DNAH1: variants seen among roughly 807,000 people sequenced by gnomAD.
DNAH1 encodes the protein axonemal beta dynein heavy chain 1.
DNAH1 carries 327 observed loss-of-function variants against 484.3 expected under a neutral mutation model. The ratio of observed to expected loss-of-function variants is 0.68; its 90% CI spans 0.62 to 0.74. The LOEUF (loss-of-function observed/expected upper bound fraction) is 0.74. DNAH1 is among the 30% of genes least tolerant of loss of function. The pLI is 0.00. For synonymous variants in DNAH1, 2,192 were observed against 2,191.9 expected, an observed-to-expected ratio of 1.00 and a Z score of 0.00; for missense variants, 5,052 against 5,546.8, an observed-to-expected ratio of 0.91 and a Z score of 2.83.
At chr3:52,348,816 C>T in intron 12 of DNAH1, 72 bp from the exon 13 acceptor site, 1 of 1,535,948 alleles carries the variant, frequency 6.5e-7, no homozygotes, top group Non-Finnish European at 8.8e-7. Context: ...CGGGAGGACT[C>T]CCCATCTCCC....
Position 52,395,505 on chromosome 3 carries a change from G to T in DNAH1, c.11127+39G>T. 1 of 1,613,284 alleles carries T rather than the reference G, an allele frequency of 6.2e-7. No homozygotes were observed. The highest frequency in any genetic ancestry group is 8.5e-7 in the Non-Finnish European group (1 of 1,179,554). The stretch of plus-strand genomic sequence containing the variant: ...AGGGAGGAAGGGAGTGGGCTGGGGG[G>T]TGGGCAAGCTGGCCCCCTGCTCAGT... On this transcript the variant is annotated intron_variant, in intron 69 of 77. Transcript: ENST00000420323. This position sits in a 1 kb window ranked among gnomAD's most constrained non-coding sequence, Gnocchi z 4.4.
In DNAH1 at chr3:52,379,919, G is replaced by C. The variant is rs1157146135; in HGVS notation, c.7392G>C (p.Leu2464=). 2 of 1,564,504 alleles carry C rather than the reference G, an allele frequency of 1.3e-6. No homozygotes were observed. The highest frequency in any genetic ancestry group is 1.7e-6 in the Non-Finnish European group (2 of 1,155,032). ...GGCTACTGCAGGACCAAGTGCAGCT[G>C]CTGCGACTGTGGTATCACGAGAACT... ...DPAKVEDQVQ[L]LRLWYHENCR... The change falls in exon 48 of 78, where the codon CTG becomes CTC. Residue 2464 remains leucine (L), a synonymous_variant. Coordinates refer to ENST00000420323, the MANE Select transcript of DNAH1 (RefSeq NM_015512.5). The surrounding 1 kb of genome is among the most constrained non-coding windows in gnomAD (Gnocchi z 4.4).
intron 44 of DNAH1, among the ~76,000 whole-genome samples, chr3:52,373,279 A>C (rs1263531270): frequency 1.3e-5 from 2 of 152,086 alleles, no homozygotes; most frequent in Non-Finnish European, 2.9e-5. Flanking sequence ...AAGCGAGAGC[A>C]AGTGAATGTC....
intron 44 of DNAH1, among the ~76,000 whole-genome samples, chr3:52,373,416 G>A (rs768619341): frequency 6.6e-6 from 1 of 152,262 alleles, no homozygotes; most frequent in Non-Finnish European, 1.5e-5. Flanking sequence ...AAACAAGAAG[G>A]AGAAAGAATC....
At position 52,355,141 on chromosome 3, in the gene DNAH1, G is replaced by C; in HGVS notation, c.3693+86G>C. On this transcript the variant is annotated intron_variant, in intron 21 of 77. Coordinates refer to ENST00000420323, the MANE Select transcript of DNAH1 (RefSeq NM_015512.5). This position sits in a 1 kb window ranked among gnomAD's most constrained non-coding sequence, Gnocchi z 4.5. The stretch of plus-strand genomic sequence containing the variant: ...GGTGTCACTGATGGTCTCCGGGTGG[G>C]GTTCAAAGCATCGCAGTGCCTTGCC... 2 of 1,372,620 alleles carry C rather than the reference G, an allele frequency of 1.5e-6. No individual in the cohort carries two copies. The highest frequency in any genetic ancestry group is 2.4e-5 in the South Asian group (2 of 83,544). 85.0% of individuals were successfully genotyped at this position (1,372,620 alleles called of 1,614,324 possible).
chr3:52,352,796 G>A, intron 18 of DNAH1, 89 bp downstream of exon 18: 2 of 1,485,122 alleles, frequency 1.3e-6, no homozygotes, highest in Non-Finnish European at 1.8e-6. Flanking sequence ...CAGGGCTCTG[G>A]CATTTGGGGG....
Position 52,383,578 on chromosome 3 carries a change from A to G in DNAH1, c.8134A>G (p.Met2712Val), listed in dbSNP as rs28434358. The G allele has an allele frequency of 2.5e-3, 3,946 of 1,594,326 alleles. 65 individuals carry two copies. In the African/African-American group the frequency reaches 0.039, roughly 16 times the overall value. Residue 2712 changes from methionine (M) to valine (V), a missense_variant, in exon 51 of 78, where the codon ATG becomes GTG. Physicochemically the swap from Met to Val is conservative, Grantham distance 21. Transcript: ENST00000420323. ...AGGGCGTGTGCGCAGCAACATCCAC[A>G]TGGTGCTGTGCATGAGGTACAGGCA... ...YTGRVRSNIH[M>V]VLCMSPIGEV...
At chr3:52,346,975 CATT>C in intron 11 of DNAH1, among the ~76,000 whole-genome samples, 1 of 151,758 alleles carries the variant, frequency 6.6e-6, no homozygotes, top group South Asian at 2.1e-4. Context: ...TTCACTCAAT[CATT>C]GAGTTACTCA....
Position 52,391,017 on chromosome 3 carries a change from A to G in DNAH1, c.9704A>G (p.Asp3235Gly). The change falls in exon 61 of 78, where the codon GAC becomes GGC. Residue 3235 changes from aspartate (D) to glycine (G), a missense_variant. By Grantham distance (94) the Asp-to-Gly change is moderately conservative (BLOSUM62 -1). Coordinates refer to ENST00000420323, the MANE Select transcript of DNAH1 (RefSeq NM_015512.5). ...TCCCAGCGCTGGACCCACTTCATTG[A>G]CCCTCAGAGCCAGGCCAACAAATGG... Reference protein sequence around the residue: ...QFSQRWTHFIDPQSQANKWIK... With the variant: ...QFSQRWTHFIGPQSQANKWIK... The G allele has an allele frequency of 6.4e-7, 1 of 1,556,236 alleles. No individual in the cohort carries two copies.
In DNAH1 at chr3:52,389,576, G is replaced by C; in HGVS notation, c.9611G>C (p.Arg3204Pro). ...ACGCTGGGGAACCCTGTGAAGATCC[G>C]ATCGTGGCAGGTGCCCACCCCAGGG... ...IGTLGNPVKI[R>P]SWQIAGLPND... Residue 3204 changes from arginine to proline, a missense_variant, in exon 60 of 78, where the codon CGA becomes CCA. Coordinates refer to ENST00000420323, the MANE Select transcript of DNAH1 (RefSeq NM_015512.5). The C allele has an allele frequency of 3.3e-6, 5 of 1,497,506 alleles. No homozygotes were observed. The highest frequency in any genetic ancestry group is 4.5e-6 in the Non-Finnish European group (5 of 1,122,322). The allele number at this position is 1,497,506 out of a possible 1,614,324, so 92.8% of individuals were successfully genotyped here.
intron 43 of DNAH1, 107 bp downstream of exon 43, chr3:52,372,494 C>A: frequency 6.8e-7 from 1 of 1,464,604 alleles, no homozygotes. Context: ...TGCCAGGAAC[C>A]TCCCAGGGGG....
At chr3:52,339,201 C>T (rs746185837) in intron 8 of DNAH1, among the ~76,000 whole-genome samples, 4 of 151,718 alleles carry the variant, frequency 2.6e-5, no homozygotes, top group African/African-American at 9.7e-5. Context: ...AGTTTCCGAC[C>T]CTTTTTAGTT....
In DNAH1 at chr3:52,358,885, A is replaced by G. The variant is rs1702733593; in HGVS notation, c.4266+148A>G. On this transcript the variant is annotated intron_variant, in intron 25 of 77. Transcript: ENST00000420323. The surrounding 1 kb of genome is among the most constrained non-coding windows in gnomAD (Gnocchi z 4.2). Reference sequence around the variant, plus strand: ...CGGGATTCTGGAGTCTTTCCTTTCCACACACACTCCAGAAAGTGGGACTCA... The same window carrying G: ...CGGGATTCTGGAGTCTTTCCTTTCCGCACACACTCCAGAAAGTGGGACTCA... 4.2e-6 allele frequency: 4 copies of G among 944,048 alleles called. No individual in the cohort carries two copies. In the South Asian group the frequency reaches 4.9e-5, roughly 12 times the overall value. 58.5% of individuals were successfully genotyped at this position (944,048 alleles called of 1,614,324 possible). A position where few individuals can be genotyped will look rare whatever the true frequency, so the allele number is the denominator to read the frequency against.
intron 6 of DNAH1, among the ~76,000 whole-genome samples, chr3:52,330,067 C>T (rs1701486699): frequency 6.6e-6 from 1 of 152,168 alleles, no homozygotes; most frequent in Non-Finnish European, 1.5e-5. Context: ...ACCTCTGCCT[C>T]CCAGAGTGCT....
At position 52,353,696 on chromosome 3, in the gene DNAH1, G is replaced by A. The variant is rs1395930664; in HGVS notation, c.3480+63G>A. 6.5e-7 allele frequency: 1 copy of A among 1,544,042 alleles called. No homozygotes were observed. The highest frequency in any genetic ancestry group is 8.7e-7 in the Non-Finnish European group (1 of 1,146,470). ...GCCCTGCCGGACAGCCTGACCTCCT[G>A]CTCTGGCAACCACAGCCACTTGGGA... On this transcript the variant is annotated intron_variant, in intron 20 of 77. Transcript: ENST00000420323. The surrounding 1 kb of genome is among the most constrained non-coding windows in gnomAD (Gnocchi z 5.0).
intron 73 of DNAH1, 96 bp from the exon 74 acceptor site, chr3:52,397,611 G>C (rs1704692347): frequency 1.7e-6 from 2 of 1,165,874 alleles, no homozygotes; most frequent in African/African-American, 1.6e-5. Flanking sequence ...GACAAGTGGG[G>C]AATGTGACAA....
At chr3:52,330,995 C>T (rs1701522651) in intron 6 of DNAH1, among the ~76,000 whole-genome samples, 153 bp from the exon 7 acceptor site, 1 of 152,142 alleles carries the variant, frequency 6.6e-6, no homozygotes, top group Non-Finnish European at 1.5e-5. Context: ...AAGCAGGGCC[C>T]TGGCTCTGCT....
rs1390862694 is a variant in DNAH1, at chr3:52,324,028, T to G, written c.406+148T>G. On this transcript the variant is annotated intron_variant, in intron 3 of 77. Coordinates refer to ENST00000420323, the MANE Select transcript of DNAH1 (RefSeq NM_015512.5). ...TAATAAGAAACAGGGTGCTTCACAA[T>G]TACCCACTCATGGTGAGTGCTCAGT... The G allele has an allele frequency of 1.3e-5, 8 of 634,530 alleles. No individual in the cohort carries two copies. In the East Asian group the frequency reaches 2.2e-4, roughly 18 times the overall value. The allele number at this position is 634,530 out of a possible 1,614,324, so 39.3% of individuals were successfully genotyped here.
Position 52,366,895 on chromosome 3 carries a change from AC to A in DNAH1, c.5765+14del, listed in dbSNP as rs769129249. 5 of 1,604,114 alleles carry A rather than the reference AC, an allele frequency of 3.1e-6. No homozygotes were observed. Among genetic ancestry groups the A allele is most frequent in the Admixed American group, 1.7e-5 (1 of 59,684 alleles). On this transcript the variant is annotated intron_variant, in intron 36 of 77. Coordinates refer to ENST00000420323, the MANE Select transcript of DNAH1 (RefSeq NM_015512.5). ...CCTCCTCACCCATGAGTGGTGAGTGACCCCCCAGCCTCACCGGTGACCCCCT... is the reference window on the plus strand; with the variant it reads ...CCTCCTCACCCATGAGTGGTGAGTGACCCCCAGCCTCACCGGTGACCCCCT...
Sources: gnomAD v4.1 joint callset for allele counts (sites outside exome capture counted in the v4.1 genomes callset) on GRCh38, gnomAD v4.1.1 for gene constraint, Gnocchi (gnomAD v3.1) non-coding constraint, MANE v1.5 for transcripts, NCBI Gene and HGNC (gene_info 2026-07-23, HGNC 2026-07-21) for gene names.